Variants in GSK3B observed in about 807,000 individuals in gnomAD.
The protein encoded by GSK3B is glycogen synthase kinase 3 beta, also known as glycogen synthase kinase-3 beta.
In GSK3B, 15 loss-of-function variants were observed where a neutral mutation model predicts 56.4. That is an observed-to-expected ratio of 0.27 (90% CI 0.18 to 0.41). The LOEUF is 0.41. Ranked by LOEUF, GSK3B falls within the 10% of genes least tolerant of loss-of-function variation. The pLI is 1.00. For missense variants in GSK3B, 300 were observed against 513.4 expected, an observed-to-expected ratio of 0.58 and a Z score of 4.02; for synonymous variants, 181 against 188.9, an observed-to-expected ratio of 0.96 and a Z score of 0.34.
At chr3:120,065,118 G>C (rs981611856) in intron 1 of GSK3B, among the ~76,000 whole-genome samples, 1 of 151,964 alleles carries the variant, frequency 6.6e-6, no homozygotes, top group Admixed American at 6.6e-5. Context: ...AAAAAAACAG[G>C]AACATTCAAC....
chr3:119,911,162 TA>T (rs1230764170), intron 6 of GSK3B, among the ~76,000 whole-genome samples: 1 of 152,202 alleles, frequency 6.6e-6, no homozygotes, highest in East Asian at 1.9e-4. Context: ...TCCATCAGAC[TA>T]ATCACTATCT....
rs148622485 is a variant in GSK3B at position 119,869,005 on chromosome 3, T to C, written c.910-5400A>G. On this transcript the variant is annotated intron_variant, in intron 8 of 10. Coordinates refer to ENST00000264235, the MANE Select transcript of GSK3B (RefSeq NM_001146156.2). ...TGCTCATATGTAGCACATAATTCAA[T>C]AATTACTTAACAAATTAGTCTATAC... is the stretch of plus-strand genomic sequence containing the variant. Among the ~76,000 whole-genome samples, 4 of 152,178 alleles carry C rather than the reference T, an allele frequency of 2.6e-5. No homozygotes were observed. In the East Asian group the frequency reaches 7.7e-4, roughly 29 times the overall value.
chr3:119,943,612 G>A (rs923935263), intron 3 of GSK3B, among the ~76,000 whole-genome samples: 4 of 152,002 alleles, frequency 2.6e-5, no homozygotes, highest in Non-Finnish European at 2.9e-5. Context: ...GAGAGACAAC[G>A]AAGAAGATTT....
In GSK3B at chr3:120,038,421, G is replaced by A. The variant is rs190102992; in HGVS notation, c.89-36182C>T. On this transcript the variant is annotated intron_variant, in intron 1 of 10. Transcript: ENST00000264235. ...TCCACACCTATGATACCAACTACGCGGGAGGCTGAGATGGCAGCACTGATT... is the reference window on the plus strand; with the variant it reads ...TCCACACCTATGATACCAACTACGCAGGAGGCTGAGATGGCAGCACTGATT... Among the ~76,000 whole-genome samples, 38 of 152,154 alleles carry A rather than the reference G, an allele frequency of 2.5e-4. No individual in the cohort carries two copies. The East Asian group carries it at 6.6e-3, about 26-fold the overall frequency.
At chr3:119,829,292 C>T (rs1033688542) in intron 10 of GSK3B, among the ~76,000 whole-genome samples, 2 of 152,124 alleles carry the variant, frequency 1.3e-5, no homozygotes, top group South Asian at 2.1e-4. Context: ...TGGAACACCA[C>T]AAACCCATGC....
rs1182405310 is a variant in GSK3B at position 119,823,650 on chromosome 3, AAGT to A, written c.*3135_*3137del. 2.0e-4 allele frequency: 37 copies of A among 182,842 alleles called. No individual in the cohort carries two copies. The highest frequency in any genetic ancestry group is 2.8e-4 in the Non-Finnish European group (24 of 85,892). The allele number at this position is 182,842 out of a possible 1,614,324, so 11.3% of individuals were successfully genotyped here. ...CTCTAGGGCTCCCTGGTGCTACACT[AAGT>A]CCCTGAATGGACTAAGTATGAAATG... is the stretch of plus-strand genomic sequence containing the variant. On this transcript the variant is annotated 3_prime_UTR_variant, in exon 11 of 11. Coordinates refer to ENST00000264235, the MANE Select transcript of GSK3B (RefSeq NM_001146156.2).
At chr3:119,850,249 G>A (rs1022710352) in intron 9 of GSK3B, among the ~76,000 whole-genome samples, 1 of 152,174 alleles carries the variant, frequency 6.6e-6, no homozygotes, top group Middle Eastern at 3.4e-3. Flanking sequence ...AGATGTGAAG[G>A]GGGGTACTTT....
intron 2 of GSK3B, among the ~76,000 whole-genome samples, chr3:119,983,734 C>T (rs550845082): frequency 5.5e-4 from 84 of 152,284 alleles, no homozygotes; most frequent in Non-Finnish European, 1.0e-3. Context: ...TACAAAGAGA[C>T]TTAGACTCCT....
intron 1 of GSK3B, among the ~76,000 whole-genome samples, chr3:120,086,398 T>C (rs1285630412): frequency 6.6e-6 from 1 of 152,238 alleles, no homozygotes; most frequent in African/African-American, 2.4e-5. Context: ...GACCCAGTTC[T>C]CTTCATCACT....
At chr3:119,844,531 A>T (rs2055828703) in intron 9 of GSK3B, among the ~76,000 whole-genome samples, 1 of 152,246 alleles carries the variant, frequency 6.6e-6, no homozygotes, top group Non-Finnish European at 1.5e-5. Context: ...ACAAACTACC[A>T]TCAGAGAATA....
intron 3 of GSK3B, among the ~76,000 whole-genome samples, chr3:119,933,531 C>G (rs536701048): frequency 5.3e-5 from 8 of 152,216 alleles, no homozygotes; most frequent in Admixed American, 1.3e-4. Context: ...TGCCAGAAAA[C>G]AAAAACATGC....
At chr3:119,867,970 C>A (rs1386682608) in intron 8 of GSK3B, among the ~76,000 whole-genome samples, 1 of 151,764 alleles carries the variant, frequency 6.6e-6, no homozygotes, top group African/African-American at 2.4e-5. Context: ...CTCAACTGGG[C>A]CAACTAACAA....
intron 1 of GSK3B, among the ~76,000 whole-genome samples, chr3:120,078,215 T>C (rs924795941): frequency 1.3e-5 from 2 of 152,190 alleles, no homozygotes; most frequent in Non-Finnish European, 2.9e-5. Context: ...AAGTCTAGGC[T>C]TTCTCAGCTA....
At chr3:119,882,738 AT>A (rs941608848) in intron 7 of GSK3B, among the ~76,000 whole-genome samples, 2 of 151,982 alleles carry the variant, frequency 1.3e-5, no homozygotes, top group African/African-American at 4.8e-5. Flanking sequence ...TTTAAAAAGT[AT>A]TTTTTTTCTT....
At chr3:120,045,621 T>C (rs1363228490) in intron 1 of GSK3B, among the ~76,000 whole-genome samples, 1 of 152,144 alleles carries the variant, frequency 6.6e-6, no homozygotes, top group Non-Finnish European at 1.5e-5. Flanking sequence ...AAACCCCTTC[T>C]CTCCTTTGTT....
At chr3:119,871,615 G>A in intron 8 of GSK3B, among the ~76,000 whole-genome samples, 1 of 152,064 alleles carries the variant, frequency 6.6e-6, no homozygotes, top group East Asian at 1.9e-4. Context: ...TGAGATTTGA[G>A]AACTTAAGAA....
At chr3:120,066,935 T>A (rs1359182190) in intron 1 of GSK3B, among the ~76,000 whole-genome samples, 1 of 152,108 alleles carries the variant, frequency 6.6e-6, no homozygotes. Flanking sequence ...TTCTTTTGGG[T>A]TCCTTGGGCG....
At chr3:120,073,376 G>C (rs1277628307) in intron 1 of GSK3B, among the ~76,000 whole-genome samples, 2 of 152,032 alleles carry the variant, frequency 1.3e-5, no homozygotes, top group East Asian at 3.8e-4. Context: ...AAGAGAGCAA[G>C]ACCCCATCTC....
chr3:119,899,332 C>T (rs1019060313), intron 7 of GSK3B, among the ~76,000 whole-genome samples: 1 of 152,058 alleles, frequency 6.6e-6, no homozygotes, highest in Non-Finnish European at 1.5e-5. Flanking sequence ...GTAACTAAAA[C>T]AGTAGAAAGT....
Sources: gnomAD v4.1 joint callset for allele counts (sites outside exome capture counted in the v4.1 genomes callset) on GRCh38, gnomAD v4.1.1 for gene constraint, MANE v1.5 for transcripts, NCBI Gene and HGNC (gene_info 2026-07-23, HGNC 2026-07-21) for gene names.